ASH1L: variants seen among roughly 807,000 people sequenced by gnomAD.
ASH1L encodes histone-lysine N-methyltransferase ASH1L.
In ASH1L, 23 loss-of-function variants were observed where a neutral mutation model predicts 269.0. That is an observed-to-expected ratio of 0.09 (90% CI 0.06 to 0.12). The LOEUF is 0.12. Among genes scored for constraint, ASH1L ranks in the 10% least tolerant of loss-of-function variants. The pLI is 1.00. For missense variants in ASH1L, 2,912 were observed against 3,567.8 expected, an observed-to-expected ratio of 0.82 and a Z score of 4.68; for synonymous variants, 1,187 against 1,253.5, an observed-to-expected ratio of 0.95 and a Z score of 1.12.
intron 10 of ASH1L, among the ~76,000 whole-genome samples, chr1:155,372,027 G>A (rs1416309714): frequency 6.6e-6 from 1 of 151,796 alleles, no homozygotes; most frequent in Admixed American, 6.6e-5. Flanking sequence ...TTTTTGAGAC[G>A]GAGTCTCACT....
At chr1:155,458,373 A>G (rs1358097275) in intron 4 of ASH1L, among the ~76,000 whole-genome samples, 1 of 152,210 alleles carries the variant, frequency 6.6e-6, no homozygotes, top group East Asian at 1.9e-4. Context: ...AACTGTGTTT[A>G]AGGCTCTACA....
Position 155,378,371 on chromosome 1 carries a change from T to C in ASH1L, c.6242A>G (p.Lys2081Arg), listed in dbSNP as rs1656646277. 1.9e-6 allele frequency: 3 copies of C among 1,614,044 alleles called. No homozygotes were observed. The African/African-American group carries it at 4.0e-5, about 22-fold the overall frequency. The change falls in exon 10 of 28, where the codon AAA (lysine) becomes AGA (arginine). Residue 2081 changes from lysine to arginine, a missense_variant. Lys to Arg is a conservative substitution (Grantham distance 26). Transcript: ENST00000392403. ...GGTAGCTTCGTAACCAGAAAGGGGTTTGACATCAACGTAGACATCTTGAAA... is the reference window on the plus strand; with the variant it reads ...GGTAGCTTCGTAACCAGAAAGGGGTCTGACATCAACGTAGACATCTTGAAA... ...KIRSNVYVDV[K>R]PLSGYEATTC...
intron 6 of ASH1L, among the ~76,000 whole-genome samples, chr1:155,407,223 A>G (rs1024864908): frequency 6.7e-6 from 1 of 149,618 alleles, no homozygotes; most frequent in Admixed American, 6.7e-5. Flanking sequence ...ACTCCGTCTC[A>G]AAAAAAAAAG....
chr1:155,481,221 A>G lies in ASH1L; in HGVS notation c.1649T>C (p.Val550Ala). The G allele has an allele frequency of 1.9e-6, 3 of 1,614,102 alleles. No homozygotes were observed. Among genetic ancestry groups the G allele is most frequent in the Non-Finnish European group, 2.5e-6 (3 of 1,179,986 alleles). Residue 550 changes from valine to alanine, a missense_variant, in exon 3 of 28, where the codon GTA becomes GCA. Coordinates refer to ENST00000392403, the MANE Select transcript of ASH1L (RefSeq NM_018489.3). The part of the protein sequence containing the change: ...VSTAKSPFSA[V>A]GESNLPSPSP... ...TGGGGAAGGGAGATTGCTTTCTCCT[A>G]CTGCACTGAATGGGGATTTAGCGGT...
chr1:155,379,619 C>A (rs1476088492), intron 8 of ASH1L, among the ~76,000 whole-genome samples: 1 of 152,136 alleles, frequency 6.6e-6, no homozygotes, highest in Admixed American at 6.6e-5. Flanking sequence ...TTCCCTGCTT[C>A]CTTTGATAGA....
chr1:155,562,292 C>G lies in ASH1L; in HGVS notation c.-239G>C, dbSNP rs1402588810. ...TGTCAGGAGGCGGCCAGCGGGTAAGCTGACTGGCGGAAATGCGAGAGAGGA... is the reference window on the plus strand; with the variant it reads ...TGTCAGGAGGCGGCCAGCGGGTAAGGTGACTGGCGGAAATGCGAGAGAGGA... On this transcript the variant is annotated 5_prime_UTR_variant, in exon 1 of 28. Coordinates refer to ENST00000392403, the MANE Select transcript of ASH1L (RefSeq NM_018489.3). 6.2e-7 allele frequency: 1 copy of G among 1,600,298 alleles called. No homozygotes were observed. The highest frequency in any genetic ancestry group is 1.1e-5 in the South Asian group (1 of 90,778).
At chr1:155,560,905 A>G (rs993614629) in intron 1 of ASH1L, among the ~76,000 whole-genome samples, 46 of 151,932 alleles carry the variant, frequency 3.0e-4, no homozygotes, top group Admixed American at 5.9e-4. Context: ...TTCCACATAC[A>G]TATCTGACAC....
At chr1:155,520,949 C>T (rs1239513757) in intron 2 of ASH1L, 151 bp downstream of exon 2, 4 of 740,318 alleles carry the variant, frequency 5.4e-6, no homozygotes, top group Non-Finnish European at 8.8e-6. Context: ...CTTTGACAAG[C>T]CTTGGGGCTT....
chr1:155,540,198 G>A (rs1670334543), intron 1 of ASH1L, among the ~76,000 whole-genome samples: 1 of 152,112 alleles, frequency 6.6e-6, no homozygotes, highest in Non-Finnish European at 1.5e-5. Flanking sequence ...GCATGGTTTG[G>A]TGGTTAAGAA....
In ASH1L at chr1:155,480,301, A is replaced by G. The variant is rs1203302549; in HGVS notation, c.2569T>C (p.Leu857=). The G allele has an allele frequency of 3.1e-6, 5 of 1,613,990 alleles. No homozygotes were observed. Among genetic ancestry groups the G allele is most frequent in the Non-Finnish European group, 4.2e-6 (5 of 1,179,998 alleles). The change falls in exon 3 of 28, where the codon TTA becomes CTA. Residue 857 remains leucine (L), a synonymous_variant. Transcript: ENST00000392403. ...LKIPASKVFS[L]QSKEEQEPPI... ...GGTTCTTGTTCTTCCTTAGACTGTA[A>G]AGAAAACACTTTAGAAGCAGGGATT...
At chr1:155,548,164 G>C (rs1451052241) in intron 1 of ASH1L, among the ~76,000 whole-genome samples, 2 of 152,118 alleles carry the variant, frequency 1.3e-5, no homozygotes, top group Non-Finnish European at 2.9e-5. Flanking sequence ...GGGCCAGTCA[G>C]TGGGTTGGGG....
intron 10 of ASH1L, among the ~76,000 whole-genome samples, chr1:155,371,622 T>C (rs768660080): frequency 2.6e-4 from 39 of 151,864 alleles, no homozygotes; most frequent in Non-Finnish European, 4.0e-4. Context: ...ATGATTTCAC[T>C]GTACTCTTAT....
chr1:155,413,271 T>C (rs926599846), intron 6 of ASH1L, among the ~76,000 whole-genome samples: 9 of 152,174 alleles, frequency 5.9e-5, no homozygotes, highest in African/African-American at 2.2e-4. Context: ...ATTTAAATTC[T>C]AGCCAATTTA....
rs1298178532 is a variant in ASH1L at position 155,342,010 on chromosome 1, G to T, written c.8386C>A (p.Arg2796Ser). The change falls in exon 25 of 28, where the codon CGC (arginine) becomes AGC (serine). Residue 2796 changes from arginine to serine, a missense_variant. By Grantham distance (110) the Arg-to-Ser change is moderately radical (BLOSUM62 -1). Around this residue, in one of 13 missense-constraint regions of ASH1L, gnomAD observed 179 missense variants for 293.8 expected, o/e 0.61. Transcript: ENST00000392403. ...TAGGGTTTGGTGCAGACAGGATAGC[G>T]GTTCCGGTGGATCTTGTAAAACAGG... ...AHLFYKIHRNRYPVCTKPYAF... is the reference protein window; with the variant it reads ...AHLFYKIHRNSYPVCTKPYAF... 1.2e-6 allele frequency: 2 copies of T among 1,614,086 alleles called. No individual in the cohort carries two copies. Among genetic ancestry groups the T allele is most frequent in the Admixed American group, 1.7e-5 (1 of 60,008 alleles).
At chr1:155,424,411 GT>G (rs771747816) in intron 5 of ASH1L, among the ~76,000 whole-genome samples, 58 of 145,850 alleles carry the variant, frequency 4.0e-4, no homozygotes, top group Admixed American at 6.9e-4. Context: ...ATGTATTACA[GT>G]TTTTTTTTTT....
Position 155,481,039 on chromosome 1 carries a change from A to C in ASH1L, c.1831T>G (p.Leu611Val). The C allele has an allele frequency of 8.1e-6, 13 of 1,614,064 alleles. No individual in the cohort carries two copies. Among genetic ancestry groups the C allele is most frequent in the Admixed American group, 1.7e-5 (1 of 60,008 alleles). The part of the protein sequence containing the change: ...KNQFTSESTH[L>V]NVGHRSVGHS... Reference sequence around the variant, plus strand: ...CCAACTGACCTATGACCAACGTTCAAGTGGGTACTTTCAGAAGTAAACTGG... The same window carrying C: ...CCAACTGACCTATGACCAACGTTCACGTGGGTACTTTCAGAAGTAAACTGG... Residue 611 changes from leucine (L) to valine (V), a missense_variant, in exon 3 of 28, where the codon TTG becomes GTG. Physicochemically the swap from Leu to Val is conservative, Grantham distance 32. This residue lies in a region of ASH1L where 715 missense variants were observed against 721.0 expected (regional missense o/e 0.99). Transcript: ENST00000392403.
At chr1:155,531,442 C>T (rs748471564) in intron 1 of ASH1L, among the ~76,000 whole-genome samples, 1 of 151,822 alleles carries the variant, frequency 6.6e-6, no homozygotes, top group Non-Finnish European at 1.5e-5. Context: ...CTGCAACCTC[C>T]GCCTCCCGGG....
intron 7 of ASH1L, among the ~76,000 whole-genome samples, chr1:155,383,616 A>C (rs1031692573): frequency 1.3e-5 from 2 of 152,214 alleles, no homozygotes; most frequent in Non-Finnish European, 2.9e-5. Context: ...CATTTCTCAG[A>C]ATGTATCCTC....
At chr1:155,357,851 G>A (rs891390989) in intron 13 of ASH1L, 102 bp from the exon 14 acceptor site, 6 of 1,134,508 alleles carry the variant, frequency 5.3e-6, no homozygotes, top group African/African-American at 4.7e-5. Flanking sequence ...GCTCACTGCA[G>A]TCTCAACCTC....
Sources: allele counts gnomAD v4.1 joint callset (sites outside exome capture counted in the v4.1 genomes callset), GRCh38; gene constraint gnomAD v4.1.1; regional missense constraint gnomAD v4.1.1; transcripts MANE v1.5; gene names NCBI Gene and HGNC (gene_info 2026-07-23, HGNC 2026-07-21).